SEC22C: variants seen among roughly 807,000 people sequenced by gnomAD.
The protein encoded by SEC22C is SEC22 homolog C, vesicle trafficking protein.
In SEC22C, 29 loss-of-function variants were observed where a neutral mutation model predicts 34.7. The ratio of observed to expected loss-of-function variants is 0.84; its 90% CI spans 0.62 to 1.14. SEC22C has a LOEUF of 1.14. SEC22C is among the 50% of genes most tolerant of loss of function. SEC22C has a pLI of 0.00. For missense variants in SEC22C, 337 were observed against 369.0 expected, an observed-to-expected ratio of 0.91 and a Z score of 0.71; for synonymous variants, 117 against 132.8, an observed-to-expected ratio of 0.88 and a Z score of 0.82.
intron 2 of SEC22C, among the ~76,000 whole-genome samples, chr3:42,565,287 G>A (rs1389450412): frequency 6.6e-6 from 1 of 152,060 alleles, no homozygotes; most frequent in African/African-American, 2.4e-5. Flanking sequence ...TCAGCAGGAC[G>A]GTTTTTAGGT....
rs751686607 is a variant in SEC22C, at chr3:42,549,143, C to T, written c.*4105G>A. On this transcript the variant is annotated 3_prime_UTR_variant, in exon 7 of 7. Coordinates refer to ENST00000264454, the MANE Select transcript of SEC22C (RefSeq NM_032970.4). ...TACACTCTTTCTCCACCATTATTAA[C>T]ACTCACAGGGCACAGGTAGAGCGTC... 6.2e-5 allele frequency: 61 copies of T among 991,508 alleles called. No individual in the cohort carries two copies. The highest frequency in any genetic ancestry group is 7.0e-5 in the Non-Finnish European group (58 of 833,246). The allele number at this position is 991,508 out of a possible 1,614,324, so 61.4% of individuals were successfully genotyped here. A position where few individuals can be genotyped will look rare whatever the true frequency, so the allele number is the denominator to read the frequency against.
intron 1 of SEC22C, among the ~76,000 whole-genome samples, chr3:42,593,636 A>T (rs1426702844): frequency 6.6e-6 from 1 of 152,140 alleles, no homozygotes; most frequent in African/African-American, 2.4e-5. Flanking sequence ...ATCCATAGTA[A>T]AACAGATACC....
intron 4 of SEC22C, among the ~76,000 whole-genome samples, chr3:42,560,487 T>C (rs1052766924): frequency 1.3e-5 from 2 of 149,334 alleles, no homozygotes; most frequent in African/African-American, 4.9e-5. Context: ...CAGCCTGGGC[T>C]GTAACATGGT....
Position 42,552,655 on chromosome 3 carries a change from C to T in SEC22C, c.*593G>A, listed in dbSNP as rs562568063. On this transcript the variant is annotated 3_prime_UTR_variant, in exon 7 of 7. Coordinates refer to ENST00000264454, the MANE Select transcript of SEC22C (RefSeq NM_032970.4). ...TTTCTCAGCTTAAGTTTGCCCTCACCCTAAATGAAGTCCAATTTATATCCA... is the reference window on the plus strand; with the variant it reads ...TTTCTCAGCTTAAGTTTGCCCTCACTCTAAATGAAGTCCAATTTATATCCA... 1.0e-6 allele frequency: 1 copy of T among 983,896 alleles called. No individual in the cohort carries two copies. Among genetic ancestry groups the T allele is most frequent in the African/African-American group, 1.7e-5 (1 of 57,268 alleles). The allele number at this position is 983,896 out of a possible 1,614,324, so 60.9% of individuals were successfully genotyped here. A position where few individuals can be genotyped will look rare whatever the true frequency, so the allele number is the denominator to read the frequency against.
chr3:42,553,391 G>C lies in SEC22C; in HGVS notation c.769C>G (p.Leu257Val), dbSNP rs1441497098. 1 of 1,614,140 alleles carries C rather than the reference G, an allele frequency of 6.2e-7. No homozygotes were observed. The highest frequency in any genetic ancestry group is 1.1e-5 in the South Asian group (1 of 91,082). The change falls in exon 7 of 7, where the codon CTC becomes GTC. Residue 257 changes from leucine (L) to valine (V), a missense_variant. By Grantham distance (32) the Leu-to-Val change is conservative (BLOSUM62 1). Coordinates refer to ENST00000264454, the MANE Select transcript of SEC22C (RefSeq NM_032970.4). ...TACATGTTGCCCAGGCAAATAAAGA[G>C]CAGCATAAGCACCACCTTCATAGTC... ...ARTMKVVLML[L>V]FICLGNMYLH... is the part of the protein sequence containing the mutation.
In SEC22C at chr3:42,561,183, TGA is replaced by T. The variant is rs1702883502; in HGVS notation, c.458_459del (p.Leu153HisfsTer25). 2 of 1,613,900 alleles carry T rather than the reference TGA, an allele frequency of 1.2e-6. No homozygotes were observed. The highest frequency in any genetic ancestry group is 1.7e-5 in the Admixed American group (1 of 59,994). The stretch of plus-strand genomic sequence containing the variant: ...TTTGCCACATCTGTGTCCTCCAGAG[TGA>T]GAACCGCTGGAGGCTGCAACTTGAG... ...EELKLQPPAVLTLEDTDVANG... is the reference protein window; with the variant it reads ...EELKLQPPAVXTLEDTDVANG... On this transcript the variant is annotated frameshift_variant, in exon 4 of 7. Transcript: ENST00000264454. LOFTEE classifies it high-confidence loss of function.
chr3:42,596,286 T>A (rs1208935619), intron 1 of SEC22C, among the ~76,000 whole-genome samples: 1 of 152,184 alleles, frequency 6.6e-6, no homozygotes, highest in African/African-American at 2.4e-5. Context: ...CCTCCTAGAG[T>A]GCTGGGATTA....
At chr3:42,563,145 G>A (rs930774756) in intron 3 of SEC22C, among the ~76,000 whole-genome samples, 1 of 152,186 alleles carries the variant, frequency 6.6e-6, no homozygotes, top group African/African-American at 2.4e-5. Context: ...TGCTGTCGTG[G>A]GGCAAAAGCA....
At chr3:42,586,054 T>C (rs2125736054), upstream of SEC22C, among the ~76,000 whole-genome samples, 1 of 152,232 alleles carries the variant, frequency 6.6e-6, no homozygotes, top group Middle Eastern at 3.4e-3. Flanking sequence ...ACCACCTTCT[T>C]TCCCCTCTCC....
intron 1 of SEC22C, chr3:42,590,811 G>A (rs775098177): frequency 5.9e-4 from 804 of 1,359,126 alleles, no homozygotes; most frequent in Non-Finnish European, 7.6e-4. Context: ...CCCTGTAGGC[G>A]GGAGCATCCA....
chr3:42,594,766 G>C (rs1303856600), intron 1 of SEC22C: 2 of 306,804 alleles, frequency 6.5e-6, no homozygotes, highest in Non-Finnish European at 1.2e-5. Flanking sequence ...TCCTGAACTT[G>C]GAGCATGTTT....
intron 2 of SEC22C, chr3:42,563,985 T>A: frequency 7.9e-7 from 1 of 1,258,184 alleles, no homozygotes; most frequent in Non-Finnish European, 1.0e-6. Flanking sequence ...CCACATCTAT[T>A]GAGAAAACGT....
chr3:42,591,904 C>G (rs1245073135), intron 1 of SEC22C, among the ~76,000 whole-genome samples: 1 of 152,188 alleles, frequency 6.6e-6, no homozygotes, highest in African/African-American at 2.4e-5. Context: ...ACACAGAAAA[C>G]TAAGCTCAGG....
rs192123900 is a variant in SEC22C, at chr3:42,553,200, T to C, written c.*48A>G. 192 of 1,605,416 alleles carry C rather than the reference T, an allele frequency of 1.2e-4. No individual in the cohort carries two copies. In the African/African-American group the frequency reaches 2.0e-3, roughly 16 times the overall value. ...AGAGAAGCAGAAAGAGAAACATAGATTGATCCTCAAAAGAAAATCAAAGAA... is the reference window on the plus strand; with the variant it reads ...AGAGAAGCAGAAAGAGAAACATAGACTGATCCTCAAAAGAAAATCAAAGAA... On this transcript the variant is annotated 3_prime_UTR_variant, in exon 7 of 7. Coordinates refer to ENST00000264454, the MANE Select transcript of SEC22C (RefSeq NM_032970.4).
At chr3:42,587,016 T>TCA (rs1346956667), upstream of SEC22C, among the ~76,000 whole-genome samples, 1 of 152,182 alleles carries the variant, frequency 6.6e-6, no homozygotes. Flanking sequence ...CCCCACTTGA[T>TCA]CACTAAGGCC....
In SEC22C at chr3:42,551,882, T is replaced by C. The variant is rs1176630605; in HGVS notation, c.*1366A>G. 6 of 984,080 alleles carry C rather than the reference T, an allele frequency of 6.1e-6. No individual in the cohort carries two copies. Among genetic ancestry groups the C allele is most frequent in the Non-Finnish European group, 7.2e-6 (6 of 828,766 alleles). The allele number at this position is 984,080 out of a possible 1,614,324, so 61.0% of individuals were successfully genotyped here. A position where few individuals can be genotyped will look rare whatever the true frequency, so the allele number is the denominator to read the frequency against. ...GTAATGGTTTTCCACTTTTAAAAAC[T>C]ATCAAAATAGGATTTTTAAAAATTT... On this transcript the variant is annotated 3_prime_UTR_variant, in exon 7 of 7. Transcript: ENST00000264454.
At chr3:42,582,649 ACAAT>A (rs1053460120), upstream of SEC22C, among the ~76,000 whole-genome samples, 6 of 152,250 alleles carry the variant, frequency 3.9e-5, no homozygotes, top group African/African-American at 1.2e-4. Context: ...CACCCTTCAA[ACAAT>A]CAAACACCTG....
At chr3:42,558,485 C>CAAAA (rs769919883) in intron 4 of SEC22C, among the ~76,000 whole-genome samples, 7 of 97,680 alleles carry the variant, frequency 7.2e-5, no homozygotes, top group African/African-American at 1.1e-4. Context: ...GACCTTGTCT[C>CAAAA]AAAAAAAAAA....
At position 42,551,509 on chromosome 3, in the gene SEC22C, T is replaced by A; in HGVS notation, c.*1739A>T. On this transcript the variant is annotated 3_prime_UTR_variant, in exon 7 of 7. Transcript: ENST00000264454. ...GGCATGTGCCATCACATCCGGCTAATTTTTTTTTTTGTAGAGATGAATCTT... is the reference window on the plus strand; with the variant it reads ...GGCATGTGCCATCACATCCGGCTAAATTTTTTTTTTGTAGAGATGAATCTT... 3.4e-6 allele frequency: 1 copy of A among 297,144 alleles called. No individual in the cohort carries two copies. The highest frequency in any genetic ancestry group is 4.9e-6 in the Non-Finnish European group (1 of 203,708). The allele number at this position is 297,144 out of a possible 1,614,324, so 18.4% of individuals were successfully genotyped here.
Sources: gnomAD v4.1 joint callset for allele counts (sites outside exome capture counted in the v4.1 genomes callset) on GRCh38, gnomAD v4.1.1 for gene constraint, MANE v1.5 for transcripts, NCBI Gene and HGNC (gene_info 2026-07-23, HGNC 2026-07-21) for gene names.